Variants in TEN1 observed in about 807,000 individuals in gnomAD.
The protein encoded by TEN1 is TEN1 subunit of CST complex.
Under a neutral mutation model 9.3 loss-of-function variants are expected in TEN1, and 6 were observed. That is an observed-to-expected ratio of 0.65 (90% confidence interval 0.35 to 1.27). TEN1 has a LOEUF of 1.27. Ranked by LOEUF, TEN1 falls within the 50% of genes most tolerant of loss-of-function variation. TEN1 has a pLI of 0.03. For missense variants in TEN1, 149 were observed against 158.2 expected, an observed-to-expected ratio of 0.94 and a Z score of 0.31; for synonymous variants, 65 against 65.6, an observed-to-expected ratio of 0.99 and a Z score of 0.04.
In TEN1 at chr17:76,000,222, A is replaced by G. The variant is rs1158635929; in HGVS notation, c.332A>G (p.Glu111Gly). The G allele has an allele frequency of 4.1e-5, 63 of 1,551,330 alleles. No individual in the cohort carries two copies. Among genetic ancestry groups the G allele is most frequent in the Non-Finnish European group, 5.5e-5 (63 of 1,146,946 alleles). Residue 111 changes from glutamate (E) to glycine (G), a missense_variant, in exon 4 of 4, where the codon GAG becomes GGG. By Grantham distance (98) the Glu-to-Gly change is moderately conservative. Coordinates refer to ENST00000397640, the MANE Select transcript of TEN1 (RefSeq NM_001113324.3). This position sits in a 1 kb window ranked among gnomAD's most constrained non-coding sequence, Gnocchi z 5.9. ...CCCTTGTTGGAACAAGCCATCCGGG[A>G]GCAGAGACTGTACAAGCAGGAGCGG... ...NLPLLEQAIR[E>G]QRLYKQERGG...
In TEN1 at chr17:76,000,449, G is replaced by A; in HGVS notation, c.*187G>A. On this transcript the variant is annotated 3_prime_UTR_variant, in exon 4 of 4. Transcript: ENST00000397640. This position sits in a 1 kb window ranked among gnomAD's most constrained non-coding sequence, Gnocchi z 5.9. ...TGGCTCAGCAATGAGAACCCAGAAA[G>A]CATGCCATAAATCCGACAGCCCCAC... 1.1e-6 allele frequency: 1 copy of A among 912,340 alleles called. No homozygotes were observed. The allele number at this position is 912,340 out of a possible 1,614,324, so 56.5% of individuals were successfully genotyped here. A position where few individuals can be genotyped will look rare whatever the true frequency, so the allele number is the denominator to read the frequency against.
chr17:75,993,285 G>A (rs560677973), intron 3 of TEN1, among the ~76,000 whole-genome samples: 16 of 151,728 alleles, frequency 1.1e-4, no homozygotes, highest in Non-Finnish European at 1.6e-4. Context: ...TGTATTTTTA[G>A]TAGAGATGGG....
At chr17:75,997,543 C>T (rs1567899534) in intron 3 of TEN1, among the ~76,000 whole-genome samples, 1 of 152,168 alleles carries the variant, frequency 6.6e-6, no homozygotes, top group Non-Finnish European at 1.5e-5. Flanking sequence ...GAAACGGCCA[C>T]CGTTAGCTCC....
intron 1 of TEN1, among the ~76,000 whole-genome samples, chr17:75,980,322 T>G (rs900806967): frequency 6.6e-6 from 1 of 151,886 alleles, no homozygotes; most frequent in Admixed American, 6.6e-5. Flanking sequence ...CTGGGCAACA[T>G]AGTGAGACCC....
chr17:75,998,261 C>T (rs928686567), intron 3 of TEN1, among the ~76,000 whole-genome samples: 4 of 150,596 alleles, frequency 2.7e-5, no homozygotes, highest in East Asian at 2.0e-4. Context: ...TCCACCTCCC[C>T]GGTTCAAGTG....
In TEN1 at chr17:75,995,709, C is replaced by T. The variant is rs142169162; in HGVS notation, c.250+4086C>T. On this transcript the variant is annotated intron_variant, in intron 3 of 3. Coordinates refer to ENST00000397640, the MANE Select transcript of TEN1 (RefSeq NM_001113324.3). The stretch of plus-strand genomic sequence containing the variant: ...ATGCCCAGGCTGAAGGGCACTGGAC[C>T]ACAGCAAACAGCAAGCAGCTGCCCA... Among the ~76,000 whole-genome samples the T allele has an allele frequency of 1.1e-3, 160 of 152,296 alleles. No homozygotes were observed. In the South Asian group the frequency reaches 0.012, roughly 12 times the overall value.
chr17:75,991,593 A>G lies in TEN1; in HGVS notation c.220A>G (p.Ile74Val), dbSNP rs370881785. 1 of 1,551,840 alleles carries G rather than the reference A, an allele frequency of 6.4e-7. No homozygotes were observed. The highest frequency in any genetic ancestry group is 8.7e-7 in the Non-Finnish European group (1 of 1,147,052). ...PFHAQVGSLY[I>V]VLGELQHQQD... ...CCACGCCCAGGTGGGCTCCCTGTAC[A>G]TCGTCCTCGGGGAGCTCCAGCATCA... is the stretch of plus-strand genomic sequence containing the variant. The change falls in exon 3 of 4, where the codon ATC becomes GTC. Residue 74 changes from isoleucine to valine, a missense_variant. By Grantham distance (29) the Ile-to-Val change is conservative. Transcript: ENST00000397640.
rs547948964 is a variant in TEN1 at position 75,998,880 on chromosome 17, G to C, written c.251-1261G>C. Among the ~76,000 whole-genome samples, 4 of 151,942 alleles carry C rather than the reference G, an allele frequency of 2.6e-5. No homozygotes were observed. In the South Asian group the frequency reaches 8.3e-4, roughly 32 times the overall value. The stretch of plus-strand genomic sequence containing the variant: ...TAATTTTTGTATTTTTAGTAGAGAC[G>C]GGGTTTTGCCGTGTTGGCCAAGCTG... On this transcript the variant is annotated intron_variant, in intron 3 of 3. Transcript: ENST00000397640.
At chr17:75,983,196 G>A (rs912184236) in intron 1 of TEN1, among the ~76,000 whole-genome samples, 19 of 151,782 alleles carry the variant, frequency 1.3e-4, no homozygotes, top group South Asian at 2.1e-4. Flanking sequence ...CAGGAAAATC[G>A]CTTGAACCCG....
chr17:75,992,001 C>T (rs1393426181), intron 3 of TEN1, among the ~76,000 whole-genome samples: 6 of 141,874 alleles, frequency 4.2e-5, no homozygotes, highest in South Asian at 4.7e-4. Context: ...GAGCCAAGAT[C>T]GTTCCACTGC....
chr17:75,986,270 G>A lies in TEN1; in HGVS notation c.78G>A (p.Leu26=). ...SAGQVPDGST[L]RTFGRLCLYD... ...GCCAAGTTCCTGATGGGAGCACGCT[G>A]AGAACATTTGGCAGGTGAGAACGGT... The change falls in exon 2 of 4, where the codon CTG becomes CTA. Residue 26 remains leucine, a synonymous_variant. Transcript: ENST00000397640. 1 of 1,548,002 alleles carries A rather than the reference G, an allele frequency of 6.5e-7. No homozygotes were observed. The highest frequency in any genetic ancestry group is 1.2e-5 in the South Asian group (1 of 83,308).
intron 2 of TEN1, 52 bp downstream of exon 2, chr17:75,986,336 T>G: frequency 7.3e-7 from 1 of 1,377,240 alleles, no homozygotes; most frequent in Non-Finnish European, 9.9e-7. Flanking sequence ...GTTAAATGTC[T>G]TTCTCTACCT....
Position 76,000,520 on chromosome 17 carries a change from TGGTGTG to T in TEN1, c.*261_*266del. 1 of 508,678 alleles carries T rather than the reference TGGTGTG, an allele frequency of 2.0e-6. No individual in the cohort carries two copies. The highest frequency in any genetic ancestry group is 1.9e-5 in the African/African-American group (1 of 51,656). 31.5% of individuals were successfully genotyped at this position (508,678 alleles called of 1,614,324 possible). On this transcript the variant is annotated 3_prime_UTR_variant, in exon 4 of 4. Coordinates refer to ENST00000397640, the MANE Select transcript of TEN1 (RefSeq NM_001113324.3). The surrounding 1 kb of genome is among the most constrained non-coding windows in gnomAD (Gnocchi z 5.9). ...CGAGCTTGGGCGCCGGGGCCGTGCT[TGGTGTG>T]GGGCCATGGAGGGTTCCAGAAGGTC...
At chr17:75,998,284 C>T (rs1345257573) in intron 3 of TEN1, among the ~76,000 whole-genome samples, 1 of 150,634 alleles carries the variant, frequency 6.6e-6, no homozygotes, top group Non-Finnish European at 1.5e-5. Flanking sequence ...TCTCGTGCCT[C>T]AGCCTCCCAA....
At position 75,982,025 on chromosome 17, in the gene TEN1, T is replaced by C. The variant is rs2066124567; in HGVS notation, c.-7+2514T>C. Among the ~76,000 whole-genome samples, 3 of 152,168 alleles carry C rather than the reference T, an allele frequency of 2.0e-5. No homozygotes were observed. In the South Asian group the frequency reaches 6.2e-4, roughly 32 times the overall value. On this transcript the variant is annotated intron_variant, in intron 1 of 3. Transcript: ENST00000397640. ...CTGGGCGACAGAGTGAGACTCTGTC[T>C]CAAAAAACAAACAAAAAAAACCCTA... is the stretch of plus-strand genomic sequence containing the variant.
At chr17:75,994,366 G>A (rs1372327757) in intron 3 of TEN1, among the ~76,000 whole-genome samples, 1 of 149,992 alleles carries the variant, frequency 6.7e-6, no homozygotes, top group Non-Finnish European at 1.5e-5. Flanking sequence ...CCCGGGAGGC[G>A]GAGGTTGCTG....
At chr17:75,987,872 G>A (rs1287027070) in intron 2 of TEN1, among the ~76,000 whole-genome samples, 1 of 132,174 alleles carries the variant, frequency 7.6e-6, no homozygotes, top group East Asian at 2.3e-4. Flanking sequence ...AGCTGAGATT[G>A]CGCCACTGCA....
At chr17:75,994,108 A>G (rs1461945789) in intron 3 of TEN1, among the ~76,000 whole-genome samples, 13 of 151,896 alleles carry the variant, frequency 8.6e-5, no homozygotes, top group Non-Finnish European at 4.4e-5. Flanking sequence ...TATAATTTGC[A>G]TCACAACCTG....
chr17:75,998,597 C>G lies in TEN1; in HGVS notation c.251-1544C>G, dbSNP rs1308776198. On this transcript the variant is annotated intron_variant, in intron 3 of 3. Coordinates refer to ENST00000397640, the MANE Select transcript of TEN1 (RefSeq NM_001113324.3). ...CCCTGAATTCTGCCCTCAGGCTGTG[C>G]TATAAATGACCTAGACTAGAGGAAA... Among the ~76,000 whole-genome samples the G allele has an allele frequency of 8.5e-5, 13 of 152,134 alleles. 1 individual carries two copies. Among genetic ancestry groups the G allele is most frequent in the Non-Finnish European group, 1.9e-4 (13 of 68,024 alleles).
Sources: gnomAD v4.1 joint callset for allele counts (sites outside exome capture counted in the v4.1 genomes callset) on GRCh38, gnomAD v4.1.1 for gene constraint, Gnocchi (gnomAD v3.1) non-coding constraint, MANE v1.5 for transcripts, NCBI Gene and HGNC (gene_info 2026-07-23, HGNC 2026-07-21) for gene names.